TRAPPC9: variants seen among roughly 807,000 people sequenced by gnomAD.
TRAPPC9 encodes the protein trafficking protein particle complex subunit 9.
TRAPPC9 carries 83 observed loss-of-function variants against 124.0 expected under a neutral mutation model. The observed-to-expected ratio is 0.67, with a 90% CI of 0.56 to 0.80. The LOEUF is 0.80. Among genes scored for constraint, TRAPPC9 ranks in the 30% least tolerant of loss-of-function variants. The probability of loss-of-function intolerance (pLI) is 0.00; values close to 1 mark genes in which losing one functional copy is unlikely to be tolerated. For missense variants in TRAPPC9, 1,302 were observed against 1,508.3 expected (o/e 0.86, Z 2.27); for synonymous variants, 638 against 617.5 (o/e 1.03, Z -0.49).
chr8:139,918,284 C>T lies in TRAPPC9; in HGVS notation c.2811-7984G>A, dbSNP rs377427303. Reference sequence around the variant, plus strand: ...GCCTCTTGCTGCAGAGGTGGCTTCTCCGAAGAGGGATGGTGTGCTCTGAGC... The same window carrying T: ...GCCTCTTGCTGCAGAGGTGGCTTCTTCGAAGAGGGATGGTGTGCTCTGAGC... On this transcript the variant is annotated intron_variant, in intron 19 of 22. Transcript: ENST00000438773. Among the ~76,000 whole-genome samples, 26 of 152,358 alleles carry T rather than the reference C, an allele frequency of 1.7e-4. No individual in the cohort carries two copies. The East Asian group carries it at 4.6e-3, about 27-fold the overall frequency.
chr8:140,442,581 G>A (rs1369499216), intron 2 of TRAPPC9, among the ~76,000 whole-genome samples: 1 of 143,540 alleles, frequency 7.0e-6, no homozygotes, highest in African/African-American at 2.6e-5. Context: ...CTGGTCGACA[G>A]AGCGAGCCTC....
intron 21 of TRAPPC9, among the ~76,000 whole-genome samples, chr8:139,841,190 C>A (rs190273177): frequency 6.6e-6 from 1 of 152,162 alleles, no homozygotes; most frequent in Non-Finnish European, 1.5e-5. Flanking sequence ...CTTCTCACAT[C>A]GCATCACTCC....
intron 16 of TRAPPC9, among the ~76,000 whole-genome samples, chr8:140,237,876 G>A (rs528369173): frequency 1.3e-5 from 2 of 152,286 alleles, no homozygotes; most frequent in East Asian, 3.9e-4. Flanking sequence ...CTACTAAAAT[G>A]GCAAAGATGA....
intron 17 of TRAPPC9, among the ~76,000 whole-genome samples, chr8:140,115,874 C>T (rs1168190734): frequency 1.3e-5 from 2 of 152,090 alleles, no homozygotes; most frequent in African/African-American, 2.4e-5. Flanking sequence ...CTCCAAGGGA[C>T]GGTGTGATGA....
At chr8:140,383,376 G>A (rs2068666764) in intron 7 of TRAPPC9, among the ~76,000 whole-genome samples, 1 of 152,180 alleles carries the variant, frequency 6.6e-6, no homozygotes, top group Non-Finnish European at 1.5e-5. Flanking sequence ...AGCTAAAGGA[G>A]GAAGTTCGAA....
intron 20 of TRAPPC9, among the ~76,000 whole-genome samples, chr8:139,891,641 G>A (rs539724772): frequency 6.6e-6 from 1 of 152,116 alleles, no homozygotes; most frequent in Non-Finnish European, 1.5e-5. Flanking sequence ...CCCCGCTGGG[G>A]CTCCCTGAAT....
intron 17 of TRAPPC9, among the ~76,000 whole-genome samples, chr8:140,045,554 G>C (rs1053541827): frequency 1.3e-5 from 2 of 149,984 alleles, no homozygotes; most frequent in African/African-American, 4.9e-5. Flanking sequence ...TTGAATCTGG[G>C]AGGCGGAGGT....
At chr8:140,111,799 T>C (rs2060781158) in intron 17 of TRAPPC9, among the ~76,000 whole-genome samples, 1 of 152,220 alleles carries the variant, frequency 6.6e-6, no homozygotes, top group Non-Finnish European at 1.5e-5. Flanking sequence ...AAGTGATCGG[T>C]GTGATAGATT....
chr8:139,939,020 C>G (rs1239386919), intron 19 of TRAPPC9, among the ~76,000 whole-genome samples: 2 of 152,218 alleles, frequency 1.3e-5, no homozygotes, highest in East Asian at 3.9e-4. Context: ...TTCAGCTCCT[C>G]CATTCCTCCC....
intron 17 of TRAPPC9, among the ~76,000 whole-genome samples, chr8:140,065,849 G>A (rs1446389089): frequency 6.6e-6 from 1 of 152,242 alleles, no homozygotes; most frequent in African/African-American, 2.4e-5. Context: ...CCAATCTGCA[G>A]CCCATGGATC....
At chr8:139,896,727 G>T (rs7845105) in intron 20 of TRAPPC9, among the ~76,000 whole-genome samples, 8,153 of 152,286 alleles carry the variant, frequency 0.054, 277 homozygotes, top group Non-Finnish European at 0.074. Flanking sequence ...GCTGTCCACA[G>T]GGCCAGGTTG....
intron 19 of TRAPPC9, among the ~76,000 whole-genome samples, chr8:139,942,976 G>GA (rs1834003733): frequency 6.6e-6 from 1 of 152,216 alleles, no homozygotes; most frequent in Non-Finnish European, 1.5e-5. Flanking sequence ...GCTTACTCCT[G>GA]AACCTGGTGT....
At chr8:140,219,800 C>T (rs2063292794) in intron 17 of TRAPPC9, among the ~76,000 whole-genome samples, 2 of 152,234 alleles carry the variant, frequency 1.3e-5, no homozygotes, top group Non-Finnish European at 2.9e-5. Context: ...CAAGCCCTCA[C>T]ACGTTCAGGA....
intron 21 of TRAPPC9, among the ~76,000 whole-genome samples, chr8:139,843,835 C>T (rs1826891504): frequency 6.6e-6 from 1 of 152,262 alleles, no homozygotes; most frequent in South Asian, 2.1e-4. Flanking sequence ...TGCCCTCTGG[C>T]ACTGCATGAG....
At chr8:140,305,155 C>T (rs1291166019) in intron 10 of TRAPPC9, among the ~76,000 whole-genome samples, 1 of 152,196 alleles carries the variant, frequency 6.6e-6, no homozygotes, top group African/African-American at 2.4e-5. Flanking sequence ...ATCACGCTTC[C>T]TTCTTGTCAG....
intron 17 of TRAPPC9, among the ~76,000 whole-genome samples, chr8:140,214,764 C>T (rs1354696959): frequency 1.3e-5 from 2 of 152,182 alleles, no homozygotes; most frequent in African/African-American, 2.4e-5. Flanking sequence ...GCAGGAAAGA[C>T]AGTCATGAAC....
intron 13 of TRAPPC9, among the ~76,000 whole-genome samples, chr8:140,284,653 C>G (rs2065433095): frequency 6.6e-6 from 1 of 152,132 alleles, no homozygotes; most frequent in Non-Finnish European, 1.5e-5. Context: ...TTATAAACAA[C>G]ATTCACTCTG....
intron 1 of TRAPPC9, among the ~76,000 whole-genome samples, chr8:140,453,959 G>A (rs1230756367): frequency 6.6e-6 from 1 of 152,182 alleles, no homozygotes; most frequent in African/African-American, 2.4e-5. Flanking sequence ...GGAGGAGAGC[G>A]CGGCCCACCG....
intron 17 of TRAPPC9, among the ~76,000 whole-genome samples, chr8:140,044,230 T>G (rs11778183): frequency 0.77 from 114,226 of 149,242 alleles, 44,477 homozygotes; most frequent in African/African-American, 0.91. Context: ...GCCCCCCTGT[T>G]CCAGACACTG....
Sources: gnomAD v4.1 joint callset for allele counts (sites outside exome capture counted in the v4.1 genomes callset) on GRCh38, gnomAD v4.1.1 for gene constraint, MANE v1.5 for transcripts, NCBI Gene and HGNC (gene_info 2026-07-23, HGNC 2026-07-21) for gene names.